GNA14: variants seen among roughly 807,000 people sequenced by gnomAD.
The protein encoded by GNA14 is guanine nucleotide-binding protein subunit alpha-14.
GNA14 carries 50 observed loss-of-function variants against 42.0 expected under a neutral mutation model. That is an observed-to-expected ratio of 1.19 (90% CI 0.95 to 1.51). GNA14 has a LOEUF of 1.51. Among genes scored for constraint, GNA14 ranks in the 40% most tolerant of loss-of-function variants. The pLI, the probability that GNA14 is intolerant of heterozygous loss-of-function variation, is 0.00. For synonymous variants in GNA14, 173 were observed against 163.1 expected, an observed-to-expected ratio of 1.06 and a Z score of -0.46; for missense variants, 473 against 446.2, an observed-to-expected ratio of 1.06 and a Z score of -0.54.
At chr9:77,433,915 A>C (rs147311136) in intron 3 of GNA14, among the ~76,000 whole-genome samples, 240 of 152,306 alleles carry the variant, frequency 1.6e-3, no homozygotes, top group Non-Finnish European at 2.8e-3. Context: ...CCGCTGCTCT[A>C]AACTTGACTT....
At chr9:77,466,602 C>T (rs1013490298) in intron 2 of GNA14, among the ~76,000 whole-genome samples, 2 of 151,026 alleles carry the variant, frequency 1.3e-5, no homozygotes, top group Non-Finnish European at 3.0e-5. Context: ...CCTCTGGGGC[C>T]TTCCAAGCCT....
chr9:77,528,838 C>T (rs1837482384), intron 2 of GNA14, among the ~76,000 whole-genome samples: 1 of 152,152 alleles, frequency 6.6e-6, no homozygotes, highest in East Asian at 1.9e-4. Flanking sequence ...ACAGCCCAAA[C>T]TTTGGAATCC....
At chr9:77,492,924 C>T (rs1008333992) in intron 2 of GNA14, among the ~76,000 whole-genome samples, 1 of 147,350 alleles carries the variant, frequency 6.8e-6, no homozygotes, top group African/African-American at 2.6e-5. Flanking sequence ...TTGCTTGAAC[C>T]TGGGAGGCGG....
At chr9:77,482,487 AT>A (rs1396619762) in intron 2 of GNA14, among the ~76,000 whole-genome samples, 1 of 151,852 alleles carries the variant, frequency 6.6e-6, no homozygotes, top group Non-Finnish European at 1.5e-5. Context: ...TGCCCTTAAC[AT>A]TTTTTCCTTC....
chr9:77,599,073 T>A (rs1320376340), intron 1 of GNA14, among the ~76,000 whole-genome samples: 1 of 152,204 alleles, frequency 6.6e-6, no homozygotes, highest in Non-Finnish European at 1.5e-5. Flanking sequence ...ATAAACACTC[T>A]ACTACAAGCA....
At chr9:77,523,182 A>C (rs1365675952) in intron 2 of GNA14, among the ~76,000 whole-genome samples, 1 of 152,230 alleles carries the variant, frequency 6.6e-6, no homozygotes, top group Non-Finnish European at 1.5e-5. Flanking sequence ...CCATTCTTGC[A>C]TTGCTAAACA....
intron 2 of GNA14, among the ~76,000 whole-genome samples, chr9:77,515,233 T>A (rs1447983086): frequency 6.6e-6 from 1 of 151,952 alleles, no homozygotes; most frequent in Non-Finnish European, 1.5e-5. Context: ...GCTACAAAGG[T>A]GGGGAAAAGT....
intron 1 of GNA14, among the ~76,000 whole-genome samples, chr9:77,587,990 A>G (rs935254644): frequency 5.3e-5 from 8 of 151,940 alleles, no homozygotes; most frequent in African/African-American, 1.9e-4. Context: ...CCCTTCCTCT[A>G]TCTTCAAAGC....
At chr9:77,528,501 G>T (rs1837476565) in intron 2 of GNA14, among the ~76,000 whole-genome samples, 1 of 151,926 alleles carries the variant, frequency 6.6e-6, no homozygotes. Context: ...TAAGTAACTG[G>T]TGGTGAGGGG....
intron 1 of GNA14, among the ~76,000 whole-genome samples, chr9:77,550,135 T>G (rs945720873): frequency 6.6e-6 from 1 of 152,264 alleles, no homozygotes; most frequent in Admixed American, 6.5e-5. Flanking sequence ...GGGTTTCCAT[T>G]GGTAACCCTG....
chr9:77,540,097 T>C (rs1837640720), intron 1 of GNA14, among the ~76,000 whole-genome samples: 2 of 152,138 alleles, frequency 1.3e-5, no homozygotes, highest in South Asian at 2.1e-4. Flanking sequence ...GTTGTTGATG[T>C]AGACATTTAT....
intron 2 of GNA14, among the ~76,000 whole-genome samples, chr9:77,458,374 A>T (rs1209768586): frequency 2.0e-5 from 3 of 152,186 alleles, no homozygotes; most frequent in Non-Finnish European, 4.4e-5. Context: ...TCTGGGTAGC[A>T]GTGTGGCGGA....
chr9:77,480,855 C>T (rs572141417), intron 2 of GNA14, among the ~76,000 whole-genome samples: 3 of 152,294 alleles, frequency 2.0e-5, no homozygotes, highest in African/African-American at 7.2e-5. Context: ...GTAGTATTCT[C>T]TGATGGTAGT....
chr9:77,460,326 G>A (rs1161198686), intron 2 of GNA14, among the ~76,000 whole-genome samples: 1 of 152,188 alleles, frequency 6.6e-6, no homozygotes, highest in Non-Finnish European at 1.5e-5. Context: ...TCCGCAAGCC[G>A]AGGAACACCA....
At position 77,467,000 on chromosome 9, in the gene GNA14, GGTGT is replaced by G. The variant is rs59321037; in HGVS notation, c.310-32482_310-32479del. On this transcript the variant is annotated intron_variant, in intron 2 of 6. Coordinates refer to ENST00000341700, the MANE Select transcript of GNA14 (RefSeq NM_004297.4). The stretch of plus-strand genomic sequence containing the variant: ...AGGGTTTTTTTGCCTTTTACCACTC[GGTGT>G]GTGTGTGTGTGTGTGTGTGTGTGTG... Among the ~76,000 whole-genome samples the G allele has an allele frequency of 2.6e-3, 379 of 143,554 alleles. 1 individual carries two copies. Among genetic ancestry groups the G allele is most frequent in the African/African-American group, 4.5e-3 (175 of 38,782 alleles). 94.2% of individuals were successfully genotyped at this position (143,554 alleles called of 152,430 possible).
chr9:77,604,792 C>T (rs1433064784), intron 1 of GNA14, among the ~76,000 whole-genome samples: 1 of 152,212 alleles, frequency 6.6e-6, no homozygotes, highest in African/African-American at 2.4e-5. Context: ...CCAAACTAGA[C>T]AAAAGCACTA....
chr9:77,607,733 G>A (rs574275966), intron 1 of GNA14, among the ~76,000 whole-genome samples: 4 of 152,142 alleles, frequency 2.6e-5, no homozygotes, highest in Non-Finnish European at 5.9e-5. Context: ...CAAGATTTTC[G>A]CCAACAATTT....
chr9:77,485,518 T>C (rs897212634), intron 2 of GNA14, among the ~76,000 whole-genome samples: 2 of 152,218 alleles, frequency 1.3e-5, no homozygotes, highest in African/African-American at 4.8e-5. Flanking sequence ...ATGTTCTTCA[T>C]GGTATCTAGA....
At chr9:77,622,845 G>C (rs1823950018) in intron 1 of GNA14, among the ~76,000 whole-genome samples, 1 of 147,616 alleles carries the variant, frequency 6.8e-6, no homozygotes, top group African/African-American at 2.5e-5. Flanking sequence ...AGTGAGCTGA[G>C]ATAGAACCAC....
Sources: gnomAD v4.1 joint callset for allele counts (sites outside exome capture counted in the v4.1 genomes callset) on GRCh38, gnomAD v4.1.1 for gene constraint, MANE v1.5 for transcripts, NCBI Gene and HGNC (gene_info 2026-07-23, HGNC 2026-07-21) for gene names.